Variants in OPN3 observed in about 807,000 individuals in gnomAD.
OPN3 encodes opsin-3.
OPN3 carries 29 observed loss-of-function variants against 33.8 expected under a neutral mutation model. The observed-to-expected ratio is 0.86, with a 90% CI of 0.64 to 1.17. OPN3 has a LOEUF of 1.17. OPN3 is among the 50% of genes most tolerant of loss of function. The pLI is 0.00. For missense variants in OPN3, 437 were observed against 514.1 expected (o/e 0.85, Z 1.45); for synonymous variants, 216 against 216.1 (o/e 1.00, Z 0.00).
At chr1:241,597,465 A>T (rs1663556387) in intron 3 of OPN3, among the ~76,000 whole-genome samples, 1 of 152,200 alleles carries the variant, frequency 6.6e-6, no homozygotes, top group South Asian at 2.1e-4. Flanking sequence ...TATTATTAAC[A>T]TTGTAGCTGT....
intron 1 of OPN3, among the ~76,000 whole-genome samples, chr1:241,619,917 T>C (rs1239250882): frequency 6.6e-6 from 1 of 152,170 alleles, no homozygotes; most frequent in Non-Finnish European, 1.5e-5. Context: ...AGTTTAGTTC[T>C]GGAGAAGCAA....
intron 1 of OPN3, among the ~76,000 whole-genome samples, chr1:241,628,426 A>C (rs1664485611): frequency 6.6e-6 from 1 of 152,122 alleles, no homozygotes; most frequent in Non-Finnish European, 1.5e-5. Context: ...TGGATCTCTC[A>C]CGCTGACTGG....
At chr1:241,625,249 A>T (rs1011685119) in intron 1 of OPN3, among the ~76,000 whole-genome samples, 2 of 152,214 alleles carry the variant, frequency 1.3e-5, no homozygotes, top group Non-Finnish European at 2.9e-5. Context: ...TTGGTGAACC[A>T]CCAGTGAGTG....
intron 1 of OPN3, among the ~76,000 whole-genome samples, chr1:241,619,592 G>GA (rs1664224056): frequency 6.6e-6 from 1 of 152,200 alleles, no homozygotes; most frequent in African/African-American, 2.4e-5. Flanking sequence ...AAAAGCTCTT[G>GA]AAAATCTAAC....
In OPN3 at chr1:241,597,967, G is replaced by A. The variant is rs1308328628; in HGVS notation, c.724C>T (p.Gln242Ter). The A allele has an allele frequency of 1.3e-5, 21 of 1,613,720 alleles. No homozygotes were observed. Among genetic ancestry groups the A allele is most frequent in the Non-Finnish European group, 1.8e-5 (21 of 1,179,896 alleles). ...LRCVEDLQTI[Q>*]VIKILKYEKK... ...TCATATTTTAAAATCTTGATCACTT[G>A]AATTGTCTGAAGATCTTCCACACAA... Residue 242 changes from glutamine (Q) to a stop codon, truncating the protein, a stop_gained, in exon 3 of 4, where the codon CAA becomes TAA. Coordinates refer to ENST00000366554, the MANE Select transcript of OPN3 (RefSeq NM_014322.3). LOFTEE classifies it high-confidence loss of function.
In OPN3 at chr1:241,635,847, T is replaced by G; in HGVS notation, c.373+4035A>C. On this transcript the variant is annotated intron_variant, in intron 1 of 3. Transcript: ENST00000366554. ...TATGCTGTAATAAAATCTGTCCTTC[T>G]GATGTTCCAGTTATCCCAGAAGCAC... is the stretch of plus-strand genomic sequence containing the variant. 3 of 1,392,360 alleles carry G rather than the reference T, an allele frequency of 2.2e-6. No homozygotes were observed. The South Asian group carries it at 4.2e-5, about 19-fold the overall frequency. The allele number at this position is 1,392,360 out of a possible 1,614,324, so 86.3% of individuals were successfully genotyped here.
At chr1:241,635,141 G>A (rs41269377) in intron 1 of OPN3, 34,529 of 1,612,470 alleles carry the variant, frequency 0.021, 513 homozygotes, top group Middle Eastern at 0.058. Flanking sequence ...TGGTTCATCG[G>A]CCTTATCTTC....
rs1663433271 is a variant in OPN3, at chr1:241,594,441, A to G, written c.1196T>C (p.Val399Ala). 6.2e-7 allele frequency: 1 copy of G among 1,613,022 alleles called. No homozygotes were observed. The highest frequency in any genetic ancestry group is 1.3e-5 in the African/African-American group (1 of 75,018). ...CATTCTTCATTCCTACAAAGGACGAACTTGGATTACATCAACTTTGGACCC... is the reference window on the plus strand; with the variant it reads ...CATTCTTCATTCCTACAAAGGACGAGCTTGGATTACATCAACTTTGGACCC... ...TNGSKVDVIQ[V>A]RPL The change falls in exon 4 of 4, where the codon GTT (valine) becomes GCT (alanine). Residue 399 changes from valine to alanine, a missense_variant. By Grantham distance (64) the Val-to-Ala change is moderately conservative (BLOSUM62 0). Coordinates refer to ENST00000366554, the MANE Select transcript of OPN3 (RefSeq NM_014322.3).
chr1:241,635,011 A>G, intron 1 of OPN3: 7 of 1,613,598 alleles, frequency 4.3e-6, no homozygotes, highest in Non-Finnish European at 5.9e-6. Flanking sequence ...AACGACTAAC[A>G]TCTGATTTGA....
intron 2 of OPN3, chr1:241,600,669 G>C (rs192471142): frequency 6.6e-6 from 1 of 152,254 alleles, no homozygotes; most frequent in Non-Finnish European, 1.5e-5. Flanking sequence ...TAAGGAAACG[G>C]AGGCAAATTA....
intron 2 of OPN3, among the ~76,000 whole-genome samples, chr1:241,599,409 A>G (rs944525467): frequency 7.2e-5 from 11 of 152,132 alleles, no homozygotes; most frequent in Non-Finnish European, 8.8e-5. Context: ...ACTTATTACA[A>G]TGTTCAGAGA....
At chr1:241,624,368 T>C (rs1664355181) in intron 1 of OPN3, among the ~76,000 whole-genome samples, 1 of 152,266 alleles carries the variant, frequency 6.6e-6, no homozygotes, top group African/African-American at 2.4e-5. Context: ...CCTCCATGCC[T>C]GTTTCTGCTA....
Position 241,607,697 on chromosome 1 carries a change from G to A in OPN3, c.374-3118C>T, listed in dbSNP as rs561564769. 3.4e-5 allele frequency among the ~76,000 whole-genome samples: 5 copies of A among 147,782 alleles called. No homozygotes were observed. In the East Asian group the frequency reaches 1.0e-3, roughly 30 times the overall value. On this transcript the variant is annotated intron_variant, in intron 1 of 3. Transcript: ENST00000366554. ...GGAAGAAAGAGAGAAAGGAGGGAAGGAAGGAAGGAAGAGAAAGAAAGAGGA... is the reference window on the plus strand; with the variant it reads ...GGAAGAAAGAGAGAAAGGAGGGAAGAAAGGAAGGAAGAGAAAGAAAGAGGA...
intron 1 of OPN3, among the ~76,000 whole-genome samples, chr1:241,638,548 G>T (rs1442505345): frequency 6.6e-6 from 1 of 152,166 alleles, no homozygotes; most frequent in East Asian, 1.9e-4. Flanking sequence ...TAGCATTGCC[G>T]AAGAAACTGC....
chr1:241,607,552 G>T (rs1298202189), intron 1 of OPN3, among the ~76,000 whole-genome samples: 2 of 146,662 alleles, frequency 1.4e-5, no homozygotes, highest in Non-Finnish European at 3.0e-5. Context: ...AAGAAGGAAG[G>T]AAGGAAGGAA....
chr1:241,599,795 G>A (rs148932757), intron 2 of OPN3, among the ~76,000 whole-genome samples: 1 of 152,092 alleles, frequency 6.6e-6, no homozygotes, highest in Non-Finnish European at 1.5e-5. Context: ...CAAGAAAGGA[G>A]GTAAAGCAAA....
chr1:241,610,616 CAT>C (rs1476898880), intron 1 of OPN3, among the ~76,000 whole-genome samples: 1 of 152,180 alleles, frequency 6.6e-6, no homozygotes, highest in Non-Finnish European at 1.5e-5. Flanking sequence ...TCAACAAACA[CAT>C]GTCATACACA....
At chr1:241,638,220 T>A (rs947366736) in intron 1 of OPN3, among the ~76,000 whole-genome samples, 1 of 151,662 alleles carries the variant, frequency 6.6e-6, no homozygotes, top group Non-Finnish European at 1.5e-5. Context: ...AAAATCTAAG[T>A]GAACTTAGAA....
Position 241,640,075 on chromosome 1 carries a change from C to T in OPN3, c.180G>A (p.Leu60=), listed in dbSNP as rs778664915. ...SIGLLGVGNN[L]LVLVLYYKFQ... ...ACTTGTAGTAGAGGACGAGCACCAG[C>T]AGGTTGTTGCCGACGCCCAGCAGCC... Residue 60 remains leucine, a synonymous_variant, in exon 1 of 4, where the codon CTG becomes CTA. Coordinates refer to ENST00000366554, the MANE Select transcript of OPN3 (RefSeq NM_014322.3). 2 of 1,611,112 alleles carry T rather than the reference C, an allele frequency of 1.2e-6. No individual in the cohort carries two copies. Among genetic ancestry groups the T allele is most frequent in the Non-Finnish European group, 1.7e-6 (2 of 1,178,920 alleles).
Sources: allele counts gnomAD v4.1 joint callset (sites outside exome capture counted in the v4.1 genomes callset), GRCh38; gene constraint gnomAD v4.1.1; transcripts MANE v1.5; gene names NCBI Gene and HGNC (gene_info 2026-07-23, HGNC 2026-07-21).